The following CELF2 variants were observed in gnomAD, a reference collection of about 807,000 sequenced individuals.
CELF2 encodes CUG triplet repeat RNA-binding protein 2.
In CELF2, 8 loss-of-function variants were observed where a neutral mutation model predicts 62.6. The ratio of observed to expected loss-of-function variants is 0.13; its 90% CI spans 0.07 to 0.23. CELF2 has a LOEUF of 0.23. Among genes scored for constraint, CELF2 ranks in the 10% least tolerant of loss-of-function variants. CELF2 has a pLI of 1.00. For synonymous variants in CELF2, 258 were observed against 250.0 expected (o/e 1.03, Z -0.30); for missense variants, 333 against 671.0 (o/e 0.50, Z 5.56).
rs191339504 is a variant in CELF2, at chr10:10,954,059, G to A, written c.89+34060G>A. Among the ~76,000 whole-genome samples, 277 of 151,810 alleles carry A rather than the reference G, an allele frequency of 1.8e-3. 1 individual carries two copies. Among genetic ancestry groups the A allele is most frequent in the African/African-American group, 6.1e-3 (254 of 41,448 alleles). On this transcript the variant is annotated intron_variant, in intron 2 of 13. Coordinates refer to the CELF2 transcript ENST00000636488. ...AAGCAAATGCAAATTAAACTCCATC[G>A]TGATACCACTTTTTGATGATCAGAT...
the CELF2 span, among the ~76,000 whole-genome samples, chr10:10,759,122 T>A: frequency 6.6e-6 from 1 of 152,110 alleles, no homozygotes; most frequent in Non-Finnish European, 1.5e-5. Flanking sequence ...TCCGTGGACC[T>A]AAGCATAGCA....
At position 11,242,708 on chromosome 10, in the gene CELF2, C is replaced by T. The variant is rs571714222; in HGVS notation, c.355-6445C>T. 8.5e-5 allele frequency among the ~76,000 whole-genome samples: 13 copies of T among 152,186 alleles called. No homozygotes were observed. Among genetic ancestry groups the T allele is most frequent in the Non-Finnish European group, 1.2e-4 (8 of 68,038 alleles). On this transcript the variant is annotated intron_variant, in intron 3 of 12. Coordinates refer to ENST00000633077, the MANE Select transcript of CELF2 (RefSeq NM_001326342.2). This position sits in a 1 kb window ranked among gnomAD's most constrained non-coding sequence, Gnocchi z 4.8. ...GGGAAGAATCGAAGGTCAGCTTACTCAGGAGTGAGGGGCATCAGGTCCAGT... is the reference window on the plus strand; with the variant it reads ...GGGAAGAATCGAAGGTCAGCTTACTTAGGAGTGAGGGGCATCAGGTCCAGT...
At chr10:10,502,640 T>C in the CELF2 span, among the ~76,000 whole-genome samples, 53 of 152,128 alleles carry the variant, frequency 3.5e-4, no homozygotes, top group East Asian at 9.1e-3. Context: ...TTCCTGATAA[T>C]GGCAATTTGC....
intron 2 of CELF2, among the ~76,000 whole-genome samples, chr10:10,999,150 C>T (rs1371659921): frequency 6.6e-6 from 1 of 152,150 alleles, no homozygotes; most frequent in Non-Finnish European, 1.5e-5. Context: ...CTTAATGACT[C>T]CTCGTTGAGC....
chr10:10,804,559 A>T (rs2055010809), intron 1 of CELF2, among the ~76,000 whole-genome samples: 1 of 152,256 alleles, frequency 6.6e-6, no homozygotes, highest in Non-Finnish European at 1.5e-5. Flanking sequence ...GTTTTAGGTT[A>T]TGAGCACTTG....
chr10:11,028,161 A>G (rs1350398014), intron 1 of CELF2, among the ~76,000 whole-genome samples: 2 of 152,170 alleles, frequency 1.3e-5, no homozygotes, highest in African/African-American at 2.4e-5. Context: ...ACCTTTCTGC[A>G]TGATGATTGA....
chr10:10,733,175 T>C, the CELF2 span, among the ~76,000 whole-genome samples: 2 of 152,144 alleles, frequency 1.3e-5, no homozygotes, highest in Non-Finnish European at 2.9e-5. Context: ...ACATTCTACC[T>C]GTGTAGACAA....
intron 1 of CELF2, among the ~76,000 whole-genome samples, chr10:10,837,081 G>A (rs1294939115): frequency 6.6e-6 from 1 of 152,148 alleles, no homozygotes; most frequent in Non-Finnish European, 1.5e-5. Flanking sequence ...GCACTCCTAC[G>A]TTGTCATTCA....
rs907365015 is a variant in CELF2 at position 11,246,404 on chromosome 10, G to A, written c.355-2749G>A. ...GCCCCCATCCTCCACTGAGCTTCCT[G>A]TTGAACTCCCTTTGCAGGTGACCTC... On this transcript the variant is annotated intron_variant, in intron 3 of 12. Transcript: ENST00000633077. This position sits in a 1 kb window ranked among gnomAD's most constrained non-coding sequence, Gnocchi z 4.6. 8.5e-5 allele frequency among the ~76,000 whole-genome samples: 13 copies of A among 152,094 alleles called. No individual in the cohort carries two copies. The highest frequency in any genetic ancestry group is 1.5e-4 in the Non-Finnish European group (10 of 68,024).
chr10:10,956,106 G>A (rs971642215), intron 2 of CELF2, among the ~76,000 whole-genome samples: 1 of 152,098 alleles, frequency 6.6e-6, no homozygotes, highest in African/African-American at 2.4e-5. Flanking sequence ...TATATGGATG[G>A]GTCTGTTTAC....
At position 11,329,209 on chromosome 10, in the gene CELF2, C is replaced by A; in HGVS notation, c.*156C>A. On this transcript the variant is annotated 3_prime_UTR_variant, in exon 13 of 13. Transcript: ENST00000633077. The surrounding 1 kb of genome is among the most constrained non-coding windows in gnomAD (Gnocchi z 5.5). ...ACAATAAGGCCTCCATGTCCCCACC[C>A]ACTTCCCCTACCCAGTTTGCCATAA... The A allele has an allele frequency of 1.6e-6, 1 of 633,420 alleles. No individual in the cohort carries two copies. Among genetic ancestry groups the A allele is most frequent in the East Asian group, 3.2e-5 (1 of 31,426 alleles). The allele number at this position is 633,420 out of a possible 1,614,324, so 39.2% of individuals were successfully genotyped here. A position where few individuals can be genotyped will look rare whatever the true frequency, so the allele number is the denominator to read the frequency against.
rs2095700858 is a variant in CELF2, at chr10:11,325,957, G to C, written c.1416G>C (p.Gln472His). Residue 472 changes from glutamine (Q) to histidine (H), a missense_variant, in exon 12 of 13, where the codon CAG becomes CAC. Transcript: ENST00000633077. ...CTGCTAAAGTCTTCATTGACAAACA[G>C]ACCAATCTGAGCAAGTGCTTTGGTA... ...VISAKVFIDK[Q>H]TNLSKCFGFV... The C allele has an allele frequency of 6.2e-7, 1 of 1,613,346 alleles. No homozygotes were observed.
the CELF2 span, among the ~76,000 whole-genome samples, chr10:10,683,834 A>C: frequency 6.6e-6 from 1 of 152,214 alleles, no homozygotes; most frequent in African/African-American, 2.4e-5. Context: ...AAAGCAATTT[A>C]GATTCTTTAA....
At chr10:10,736,399 T>TCTTTCTTTCTTTC in the CELF2 span, among the ~76,000 whole-genome samples, 335 of 141,432 alleles carry the variant, frequency 2.4e-3, no homozygotes, top group Non-Finnish European at 3.7e-3. Context: ...TTTCTTTCTT[T>TCTTTCTTTCTTTC]TTTTTTTTTT....
chr10:10,577,856 G>A, the CELF2 span, among the ~76,000 whole-genome samples: 8 of 152,070 alleles, frequency 5.3e-5, no homozygotes, highest in Admixed American at 2.0e-4. Flanking sequence ...ATGATTTATA[G>A]TCCTTTGGGT....
chr10:10,524,317 C>A, the CELF2 span, among the ~76,000 whole-genome samples: 2 of 151,590 alleles, frequency 1.3e-5, no homozygotes, highest in African/African-American at 4.9e-5. Flanking sequence ...TGGGTTTATG[C>A]ACATGTGCAC....
chr10:11,079,513 T>C (rs1355354188), intron 1 of CELF2, among the ~76,000 whole-genome samples: 1 of 152,054 alleles, frequency 6.6e-6, no homozygotes, highest in Non-Finnish European at 1.5e-5. Context: ...CCCCATGCTG[T>C]TGTTGTGATA....
the CELF2 span, among the ~76,000 whole-genome samples, chr10:10,471,426 T>C: frequency 6.6e-6 from 1 of 151,784 alleles, no homozygotes; most frequent in Non-Finnish European, 1.5e-5. Context: ...TGTTATTAGG[T>C]GTGTATACAT....
Position 11,311,147 on chromosome 10 carries a change from C to T in CELF2, c.977-2992C>T, listed in dbSNP as rs927399083. Among the ~76,000 whole-genome samples, 1 of 152,182 alleles carries T rather than the reference C, an allele frequency of 6.6e-6. No individual in the cohort carries two copies. Among genetic ancestry groups the T allele is most frequent in the Non-Finnish European group, 1.5e-5 (1 of 68,028 alleles). Reference sequence around the variant, plus strand: ...AAAGATGAACAAAAAATACTCCCCACTAGAAAACTACAAGGAAAACTGACT... The same window carrying T: ...AAAGATGAACAAAAAATACTCCCCATTAGAAAACTACAAGGAAAACTGACT... On this transcript the variant is annotated intron_variant, in intron 9 of 12. Transcript: ENST00000633077. This position sits in a 1 kb window ranked among gnomAD's most constrained non-coding sequence, Gnocchi z 4.7.
Sources: gnomAD v4.1 joint callset for allele counts (sites outside exome capture counted in the v4.1 genomes callset) on GRCh38, gnomAD v4.1.1 for gene constraint, Gnocchi (gnomAD v3.1) non-coding constraint, MANE v1.5 for transcripts, NCBI Gene and HGNC (gene_info 2026-07-23, HGNC 2026-07-21) for gene names.